COBL: variants seen among roughly 807,000 people sequenced by gnomAD.
COBL encodes protein cordon-bleu.
Under a neutral mutation model 98.8 loss-of-function variants are expected in COBL, and 51 were observed. The observed-to-expected ratio is 0.52, with a 90% CI of 0.41 to 0.65. The LOEUF (loss-of-function observed/expected upper bound fraction) is 0.65, where lower values mean the gene tolerates loss of function less well. Among genes scored for constraint, COBL ranks in the 30% least tolerant of loss-of-function variants. The probability of loss-of-function intolerance (pLI) is 0.00; values close to 1 mark genes in which losing one functional copy is unlikely to be tolerated. For missense variants in COBL, 1,617 were observed against 1,617.5 expected, an observed-to-expected ratio of 1.00 and a Z score of 0.01; for synonymous variants, 634 against 651.7, an observed-to-expected ratio of 0.97 and a Z score of 0.41.
chr7:51,291,069 G>C (rs1800846983), intron 1 of COBL, among the ~76,000 whole-genome samples: 1 of 152,220 alleles, frequency 6.6e-6, no homozygotes, highest in African/African-American at 2.4e-5. Flanking sequence ...TGAACGGCTA[G>C]CTGCATGGAG....
intron 5 of COBL, among the ~76,000 whole-genome samples, chr7:51,158,153 T>C (rs544497017): frequency 6.6e-6 from 1 of 152,332 alleles, no homozygotes; most frequent in African/African-American, 2.4e-5. Flanking sequence ...ACATTAACAT[T>C]TGTTAATGGT....
intron 5 of COBL, among the ~76,000 whole-genome samples, chr7:51,171,081 TAA>T (rs1015500415): frequency 1.4e-4 from 22 of 152,114 alleles, no homozygotes; most frequent in Non-Finnish European, 2.9e-4. Context: ...AAGAAAATTT[TAA>T]AGAGCCATTG....
intron 1 of COBL, among the ~76,000 whole-genome samples, chr7:51,269,694 T>C (rs574734581): frequency 6.6e-6 from 1 of 152,342 alleles, no homozygotes; most frequent in African/African-American, 2.4e-5. Context: ...ACCCTGTATT[T>C]TATGAAGGCC....
chr7:51,182,092 C>A (rs560078189), intron 5 of COBL, among the ~76,000 whole-genome samples: 2 of 152,086 alleles, frequency 1.3e-5, no homozygotes, highest in Non-Finnish European at 2.9e-5. Context: ...AAGAGAACAA[C>A]TACTTGAGGT....
Position 51,036,334 on chromosome 7 carries a change from C to T in COBL, c.1407-5425G>A, listed in dbSNP as rs1355160230. ...CCTGGGTGACAGAGTGAGACTCCGT[C>T]TCAAAAAAAAAAAAAAAAAAAAAAA... is the stretch of plus-strand genomic sequence containing the variant. On this transcript the variant is annotated intron_variant, in intron 8 of 12. Coordinates refer to ENST00000265136, the MANE Select transcript of COBL (RefSeq NM_015198.5). 1.2e-4 allele frequency among the ~76,000 whole-genome samples: 10 copies of T among 81,032 alleles called. No homozygotes were observed. In the East Asian group the frequency reaches 4.6e-3, roughly 37 times the overall value. 53.2% of individuals were successfully genotyped at this position (81,032 alleles called of 152,430 possible). A position where few individuals can be genotyped will look rare whatever the true frequency, so the allele number is the denominator to read the frequency against.
chr7:51,069,918 A>T (rs1792338273), intron 7 of COBL, among the ~76,000 whole-genome samples: 1 of 152,202 alleles, frequency 6.6e-6, no homozygotes, highest in Non-Finnish European at 1.5e-5. Context: ...ACCAGGAAAC[A>T]GTGTGTCCAG....
chr7:51,070,013 T>C (rs1240037013), intron 7 of COBL, among the ~76,000 whole-genome samples: 1 of 152,180 alleles, frequency 6.6e-6, no homozygotes, highest in Non-Finnish European at 1.5e-5. Flanking sequence ...CCTTATTTTA[T>C]GCAGCTTCGT....
Position 51,067,987 on chromosome 7 carries a change from G to T in COBL, c.1096+17179C>A, listed in dbSNP as rs1792118440. On this transcript the variant is annotated intron_variant, in intron 7 of 12. Transcript: ENST00000265136. ...CAGTGGGCAGCTGGCCACTGCAGTG[G>T]AGCCCAAGACAGATGCTGCCCTGGT... 2.6e-5 allele frequency among the ~76,000 whole-genome samples: 4 copies of T among 152,170 alleles called. No homozygotes were observed. The South Asian group carries it at 8.3e-4, about 31-fold the overall frequency.
In COBL at chr7:51,030,778, A is replaced by G. The variant is rs369762489; in HGVS notation, c.1504+34T>C. 5.9e-6 allele frequency: 8 copies of G among 1,364,518 alleles called. No individual in the cohort carries two copies. In the African/African-American group the frequency reaches 1.0e-4, roughly 17 times the overall value. The allele number at this position is 1,364,518 out of a possible 1,614,324, so 84.5% of individuals were successfully genotyped here. On this transcript the variant is annotated intron_variant, in intron 9 of 12. Transcript: ENST00000265136. ...CTGTTGGCACCTACTTTCATGCAGC[A>G]TAATATCAGAGTAGCGGATCAGGTG...
chr7:51,146,686 C>T (rs879659381), intron 5 of COBL, among the ~76,000 whole-genome samples: 6 of 151,858 alleles, frequency 4.0e-5, no homozygotes, highest in Non-Finnish European at 7.4e-5. Context: ...GCCCAGATTT[C>T]TAGGAAGCTG....
chr7:51,177,537 G>C (rs1788487893), intron 5 of COBL, among the ~76,000 whole-genome samples: 3 of 152,150 alleles, frequency 2.0e-5, no homozygotes, highest in Admixed American at 6.5e-5. Flanking sequence ...ACTCTGGGGG[G>C]CTGAGGCGGG....
At chr7:51,315,832 C>T (rs528188165) in intron 1 of COBL, among the ~76,000 whole-genome samples, 7 of 152,310 alleles carry the variant, frequency 4.6e-5, no homozygotes, top group Admixed American at 3.9e-4. Flanking sequence ...AATCCCTGCA[C>T]GCAAGGTGTG....
intron 4 of COBL, among the ~76,000 whole-genome samples, chr7:51,189,305 A>G (rs1472011421): frequency 2.6e-5 from 4 of 152,196 alleles, no homozygotes; most frequent in African/African-American, 4.8e-5. Context: ...CAGAGATTCC[A>G]CTATGATCAT....
At chr7:51,241,783 C>G (rs1334035140) in intron 1 of COBL, among the ~76,000 whole-genome samples, 3 of 152,178 alleles carry the variant, frequency 2.0e-5, no homozygotes. Flanking sequence ...GATCCTCGTT[C>G]CTCAGCTGCT....
At chr7:51,172,782 TTTTC>T (rs1788008190) in intron 5 of COBL, among the ~76,000 whole-genome samples, 1 of 152,120 alleles carries the variant, frequency 6.6e-6, no homozygotes, top group Non-Finnish European at 1.5e-5. Context: ...TTTTTCTTTC[TTTTC>T]TTTCTCTCTT....
At chr7:51,085,326 AGTAC>A (rs1562890224) in intron 6 of COBL, 22 bp from the exon 7 acceptor site, 1 of 1,220,682 alleles carries the variant, frequency 8.2e-7, no homozygotes, top group Admixed American at 2.4e-5. Context: ...AAAGAAGGAA[AGTAC>A]AATCAAAGTA....
chr7:51,134,842 T>A (rs548996447), intron 6 of COBL, among the ~76,000 whole-genome samples: 6 of 152,234 alleles, frequency 3.9e-5, no homozygotes, highest in Non-Finnish European at 8.8e-5. Context: ...TTATCATGGA[T>A]GCATACAACA....
At chr7:51,150,349 G>A (rs1785443795) in intron 5 of COBL, among the ~76,000 whole-genome samples, 1 of 152,146 alleles carries the variant, frequency 6.6e-6, no homozygotes, top group Non-Finnish European at 1.5e-5. Context: ...GTAGGTGTTA[G>A]GAAAGGAAGA....
At chr7:51,263,591 T>C (rs760552690) in intron 1 of COBL, among the ~76,000 whole-genome samples, 3 of 151,890 alleles carry the variant, frequency 2.0e-5, no homozygotes, top group Non-Finnish European at 4.4e-5. Context: ...TGGGGAATTA[T>C]GGAGCCCACA....
Sources: gnomAD v4.1 joint callset for allele counts (sites outside exome capture counted in the v4.1 genomes callset) on GRCh38, gnomAD v4.1.1 for gene constraint, MANE v1.5 for transcripts, NCBI Gene and HGNC (gene_info 2026-07-23, HGNC 2026-07-21) for gene names.